NFIL3: variants seen among roughly 807,000 people sequenced by gnomAD.
The protein encoded by NFIL3 is nuclear factor, interleukin 3 regulated.
In NFIL3, 5 loss-of-function variants were observed where a neutral mutation model predicts 10.0. The ratio of observed to expected loss-of-function variants is 0.50; its 90% CI spans 0.26 to 1.06. The LOEUF is 1.06. NFIL3 is among the 50% of genes least tolerant of loss of function. The probability of loss-of-function intolerance (pLI) is 0.13; values close to 1 mark genes in which losing one functional copy is unlikely to be tolerated. For synonymous variants in NFIL3, 202 were observed against 206.5 expected, an observed-to-expected ratio of 0.98 and a Z score of 0.19; for missense variants, 436 against 547.6, an observed-to-expected ratio of 0.80 and a Z score of 2.03.
the NFIL3 span, among the ~76,000 whole-genome samples, chr9:91,474,098 T>A: frequency 1.3e-5 from 2 of 151,522 alleles, no homozygotes; most frequent in Non-Finnish European, 2.9e-5. Context: ...TTTTTTTTTT[T>A]AATCAAGTTG....
the NFIL3 span, among the ~76,000 whole-genome samples, chr9:91,445,507 C>G: frequency 1.6e-4 from 24 of 152,084 alleles, no homozygotes; most frequent in Admixed American, 6.5e-5. Flanking sequence ...GCTGTGGAGC[C>G]TAAAAGGTGG....
the NFIL3 span, among the ~76,000 whole-genome samples, chr9:91,470,619 C>T: frequency 6.6e-6 from 1 of 152,080 alleles, no homozygotes; most frequent in African/African-American, 2.4e-5. Context: ...GTTAGGGTGT[C>T]AATTTTAGAT....
Position 91,415,170 on chromosome 9 carries a change from G to C in NFIL3, c.-172-4264C>G, listed in dbSNP as rs73651439. Among the ~76,000 whole-genome samples, 1,408 of 152,282 alleles carry C rather than the reference G, an allele frequency of 9.2e-3. 20 individuals are homozygous for C. The highest frequency in any genetic ancestry group is 0.032 in the African/African-American group (1,314 of 41,552). ...AGACCAGGCGCTCAGTCGTGGGTGG[G>C]TGGGAGACAAACAGGTGAGCAGAGG... On this transcript the variant is annotated intron_variant, in intron 1 of 1. Transcript: ENST00000297689.
chr9:91,444,223 G>A, the NFIL3 span, among the ~76,000 whole-genome samples: 15 of 151,316 alleles, frequency 9.9e-5, no homozygotes, highest in South Asian at 3.1e-3. Flanking sequence ...GCTCTTGATT[G>A]TATTTTTCAT....
chr9:91,429,623 G>A, the NFIL3 span, among the ~76,000 whole-genome samples: 1 of 151,338 alleles, frequency 6.6e-6, no homozygotes, highest in Non-Finnish European at 1.5e-5. Context: ...CACTTAAGAA[G>A]TCCGGAAATT....
chr9:91,430,677 G>A, the NFIL3 span, among the ~76,000 whole-genome samples: 31 of 152,222 alleles, frequency 2.0e-4, no homozygotes, highest in East Asian at 5.8e-3. Context: ...ACAGGGTCTT[G>A]CTCTGTTGCC....
the NFIL3 span, among the ~76,000 whole-genome samples, chr9:91,482,023 T>C: frequency 2.6e-5 from 4 of 152,120 alleles, no homozygotes; most frequent in East Asian, 1.9e-4. Flanking sequence ...CCGGAAAGGA[T>C]TGGGGGAAAA....
chr9:91,470,675 CT>C, the NFIL3 span, among the ~76,000 whole-genome samples: 1 of 152,210 alleles, frequency 6.6e-6, no homozygotes, highest in South Asian at 2.1e-4. Flanking sequence ...AAATTTCCCT[CT>C]ACACACTGCT....
chr9:91,411,456 ACTT>A lies in NFIL3; in HGVS notation c.-172-553_-172-551del, dbSNP rs746758771. On this transcript the variant is annotated intron_variant, in intron 1 of 1. Coordinates refer to ENST00000297689, the MANE Select transcript of NFIL3 (RefSeq NM_005384.3). ...TGGAATAAAATACAAATGGAGACAA[ACTT>A]CTTCTACAAAAACTAAAGTAAAAGC... Among the ~76,000 whole-genome samples the A allele has an allele frequency of 3.0e-4, 46 of 152,330 alleles. 1 individual carries two copies. The Middle Eastern group carries it at 0.01, about 34-fold the overall frequency.
intron 1 of NFIL3, among the ~76,000 whole-genome samples, chr9:91,421,317 G>A (rs1343439557): frequency 2.0e-5 from 3 of 151,856 alleles, no homozygotes; most frequent in Non-Finnish European, 4.4e-5. Flanking sequence ...GCCCCGGCCG[G>A]TCCCTAGCGC....
upstream of NFIL3, among the ~76,000 whole-genome samples, chr9:91,424,064 C>G (rs937103659): frequency 2.0e-5 from 3 of 151,064 alleles, no homozygotes; most frequent in African/African-American, 7.3e-5. Flanking sequence ...GCCAGGGCCA[C>G]CGCCGTCCGA....
At chr9:91,455,513 G>T in the NFIL3 span, among the ~76,000 whole-genome samples, 1 of 152,080 alleles carries the variant, frequency 6.6e-6, no homozygotes, top group East Asian at 1.9e-4. Flanking sequence ...ATGTCCTTTT[G>T]ATAAGCTCTA....
chr9:91,442,433 C>T, the NFIL3 span, among the ~76,000 whole-genome samples: 1 of 152,174 alleles, frequency 6.6e-6, no homozygotes, highest in Admixed American at 6.5e-5. Context: ...GTGTCCTCTG[C>T]CTGAGTATTG....
In NFIL3 at chr9:91,409,107, CAAAAAT is replaced by C. The variant is rs1833486020; in HGVS notation, c.*233_*238del. On this transcript the variant is annotated 3_prime_UTR_variant, in exon 2 of 2. Transcript: ENST00000297689. ...ACTTACACACTTTATAATAGAACAA[CAAAAAT>C]AATGTTCAATATATACAGCCTTCGC... 1 of 409,492 alleles carries C rather than the reference CAAAAAT, an allele frequency of 2.4e-6. No individual in the cohort carries two copies. Among genetic ancestry groups the C allele is most frequent in the African/African-American group, 2.0e-5 (1 of 49,090 alleles). The allele number at this position is 409,492 out of a possible 1,614,324, so 25.4% of individuals were successfully genotyped here. A position where few individuals can be genotyped will look rare whatever the true frequency, so the allele number is the denominator to read the frequency against.
intron 1 of NFIL3, among the ~76,000 whole-genome samples, chr9:91,421,042 C>T (rs1216304755): frequency 6.6e-6 from 1 of 152,180 alleles, no homozygotes; most frequent in African/African-American, 2.4e-5. Flanking sequence ...AGGTCTTTTT[C>T]ACTTCAAGAA....
chr9:91,473,678 G>A, the NFIL3 span, among the ~76,000 whole-genome samples: 18 of 152,166 alleles, frequency 1.2e-4, no homozygotes, highest in Non-Finnish European at 1.6e-4. Context: ...GTAAGGCAAC[G>A]CCCTGCCCTG....
At chr9:91,470,046 A>C in the NFIL3 span, among the ~76,000 whole-genome samples, 2 of 152,196 alleles carry the variant, frequency 1.3e-5, no homozygotes, top group Non-Finnish European at 2.9e-5. Context: ...CTGGCCTCAT[A>C]AAATGAGTTA....
At chr9:91,465,125 T>G in the NFIL3 span, among the ~76,000 whole-genome samples, 30 of 152,286 alleles carry the variant, frequency 2.0e-4, no homozygotes, top group Non-Finnish European at 3.1e-4. Flanking sequence ...ATCTATAGTT[T>G]GGTGTCTGTC....
intron 1 of NFIL3, among the ~76,000 whole-genome samples, chr9:91,421,325 C>A (rs1385445794): frequency 6.6e-6 from 1 of 151,852 alleles, no homozygotes; most frequent in Non-Finnish European, 1.5e-5. Context: ...CGGTCCCTAG[C>A]GCCCGGGCTC....
Sources: allele counts gnomAD v4.1 joint callset (sites outside exome capture counted in the v4.1 genomes callset), GRCh38; gene constraint gnomAD v4.1.1; transcripts MANE v1.5; gene names NCBI Gene and HGNC (gene_info 2026-07-23, HGNC 2026-07-21).